LRMDA: variants seen among roughly 807,000 people sequenced by gnomAD.
The protein encoded by LRMDA is leucine-rich melanocyte differentiation-associated protein.
LRMDA carries 18 observed loss-of-function variants against 29.8 expected under a neutral mutation model. The observed-to-expected ratio is 0.60, with a 90% CI of 0.42 to 0.90. The LOEUF (loss-of-function observed/expected upper bound fraction) is 0.90. LRMDA is among the 40% of genes least tolerant of loss of function. The pLI is 0.00. For synonymous variants in LRMDA, 125 were observed against 109.4 expected (o/e 1.14, Z -0.89); for missense variants, 273 against 273.9 (o/e 1.00, Z 0.02).
chr10:75,506,920 G>A (rs544240306), intron 2 of LRMDA, among the ~76,000 whole-genome samples: 23 of 152,280 alleles, frequency 1.5e-4, no homozygotes, highest in Non-Finnish European at 2.8e-4. Flanking sequence ...CCTGGTGTGA[G>A]GAGCTTGGAT....
At chr10:75,908,857 C>T (rs1219162766) in intron 2 of LRMDA, among the ~76,000 whole-genome samples, 1 of 152,156 alleles carries the variant, frequency 6.6e-6, no homozygotes, top group Non-Finnish European at 1.5e-5. Flanking sequence ...AGCCTGGGCC[C>T]CTGAATCACT....
chr10:76,372,335 G>A (rs1270372290), intron 6 of LRMDA, among the ~76,000 whole-genome samples: 4 of 152,102 alleles, frequency 2.6e-5, no homozygotes, highest in East Asian at 1.9e-4. Context: ...AATCCTTGCC[G>A]GGCACAGTGG....
At chr10:76,328,586 G>T (rs541543761) in intron 6 of LRMDA, among the ~76,000 whole-genome samples, 1 of 152,254 alleles carries the variant, frequency 6.6e-6, no homozygotes, top group South Asian at 2.1e-4. Context: ...GTGTAGGTAG[G>T]ACTAACTGTG....
intron 2 of LRMDA, among the ~76,000 whole-genome samples, chr10:75,553,582 A>T (rs767838727): frequency 6.6e-6 from 1 of 152,040 alleles, no homozygotes; most frequent in African/African-American, 2.4e-5. Context: ...TGGGTAGGAG[A>T]GCATTTTCTG....
At chr10:75,649,370 C>G (rs971142919) in intron 2 of LRMDA, among the ~76,000 whole-genome samples, 1 of 152,222 alleles carries the variant, frequency 6.6e-6, no homozygotes, top group African/African-American at 2.4e-5. Context: ...AGTTGGGTTA[C>G]TTCCACCTTT....
intron 5 of LRMDA, among the ~76,000 whole-genome samples, chr10:76,301,798 C>T (rs374692198): frequency 5.9e-5 from 9 of 152,208 alleles, no homozygotes; most frequent in African/African-American, 2.2e-4. Flanking sequence ...GTTACTGATG[C>T]CCTCTGTCAC....
At chr10:76,244,410 T>G (rs1241660503) in intron 5 of LRMDA, among the ~76,000 whole-genome samples, 7 of 152,176 alleles carry the variant, frequency 4.6e-5, no homozygotes, top group Non-Finnish European at 5.9e-5. Flanking sequence ...CTGAAGAATG[T>G]TCCATTCTTC....
intron 2 of LRMDA, among the ~76,000 whole-genome samples, chr10:75,823,685 AGTGTGTGT>A (rs141426887): frequency 0.15 from 21,633 of 144,010 alleles, 1,697 homozygotes; most frequent in Admixed American, 0.21. Context: ...ATTAAAATGT[AGTGTGTGT>A]GTGTGTGTGT....
intron 2 of LRMDA, among the ~76,000 whole-genome samples, chr10:75,740,204 C>G (rs757221091): frequency 2.0e-5 from 3 of 152,246 alleles, no homozygotes; most frequent in Non-Finnish European, 4.4e-5. Context: ...ATGCCATCGA[C>G]ATCAATTTCC....
intron 5 of LRMDA, among the ~76,000 whole-genome samples, chr10:76,188,638 G>T (rs1017400206): frequency 1.3e-4 from 2 of 15,796 alleles, no homozygotes; most frequent in African/African-American, 3.0e-4. Flanking sequence ...GATGGAGGGG[G>T]TTTAGCACTC....
At chr10:75,966,630 G>T (rs774982114) in intron 2 of LRMDA, among the ~76,000 whole-genome samples, 3 of 152,198 alleles carry the variant, frequency 2.0e-5, no homozygotes, top group African/African-American at 7.2e-5. Context: ...TTAAATTACA[G>T]TTGTCCCTTG....
At chr10:76,550,570 C>T (rs1182735241) in intron 6 of LRMDA, among the ~76,000 whole-genome samples, 2 of 151,138 alleles carry the variant, frequency 1.3e-5, no homozygotes, top group African/African-American at 2.4e-5. Flanking sequence ...ACCCCATTCC[C>T]ACCCAATATG....
rs531619720 is a variant in LRMDA, at chr10:76,008,821, A to T, written c.132-27187A>T. ...TTTTCCTTAAACATAGTCATGGGAG[A>T]TCCTTTCCACTGCTGACTTTTTAAG... On this transcript the variant is annotated intron_variant, in intron 2 of 6. Coordinates refer to ENST00000611255, the MANE Select transcript of LRMDA (RefSeq NM_001305581.2). Among the ~76,000 whole-genome samples, 3 of 152,362 alleles carry T rather than the reference A, an allele frequency of 2.0e-5. No homozygotes were observed. In the South Asian group the frequency reaches 6.2e-4, roughly 32 times the overall value.
At chr10:76,528,387 A>G (rs1421960847) in intron 6 of LRMDA, among the ~76,000 whole-genome samples, 1 of 152,188 alleles carries the variant, frequency 6.6e-6, no homozygotes, top group Admixed American at 6.5e-5. Flanking sequence ...TAATAAAATA[A>G]ATGAAGATGG....
rs183091083 is a variant in LRMDA at position 76,257,750 on chromosome 10, C to A, written c.517-66651C>A. Among the ~76,000 whole-genome samples, 76 of 152,260 alleles carry A rather than the reference C, an allele frequency of 5.0e-4. 1 individual carries two copies. The East Asian group carries it at 7.7e-3, about 15-fold the overall frequency. ...CCTTTTATCTTGCAACAAACCACCT[C>A]GAAATTTAATGGCTTAAAATAAGAG... On this transcript the variant is annotated intron_variant, in intron 5 of 6. Coordinates refer to ENST00000611255, the MANE Select transcript of LRMDA (RefSeq NM_001305581.2).
chr10:75,759,588 A>T (rs1843071151), intron 2 of LRMDA, among the ~76,000 whole-genome samples: 1 of 152,212 alleles, frequency 6.6e-6, no homozygotes, highest in Admixed American at 6.5e-5. Flanking sequence ...CATTTATCCA[A>T]GGAGAGGAGG....
intron 2 of LRMDA, among the ~76,000 whole-genome samples, chr10:75,586,202 A>G (rs1840652765): frequency 6.6e-6 from 1 of 152,138 alleles, no homozygotes; most frequent in Admixed American, 6.5e-5. Context: ...AATACCCAGA[A>G]GTTGGATTGC....
chr10:75,515,608 G>T (rs1845279649), intron 2 of LRMDA, among the ~76,000 whole-genome samples: 1 of 152,090 alleles, frequency 6.6e-6, no homozygotes, highest in African/African-American at 2.4e-5. Context: ...TTGAACTCCT[G>T]GTCTCAAGTT....
intron 2 of LRMDA, among the ~76,000 whole-genome samples, chr10:75,703,102 T>G (rs902479276): frequency 6.6e-6 from 1 of 152,234 alleles, no homozygotes; most frequent in Non-Finnish European, 1.5e-5. Flanking sequence ...AAACTCATTT[T>G]TCTTGGGTTG....
Sources: allele counts gnomAD v4.1 joint callset (sites outside exome capture counted in the v4.1 genomes callset), GRCh38; gene constraint gnomAD v4.1.1; transcripts MANE v1.5; gene names NCBI Gene and HGNC (gene_info 2026-07-23, HGNC 2026-07-21).